The following BTN2A2 variants were observed in gnomAD, a reference collection of about 807,000 sequenced individuals.
The protein encoded by BTN2A2 is butyrophilin subfamily 2 member A2, also known as butyrophilin 2.
Under a neutral mutation model 34.7 loss-of-function variants are expected in BTN2A2, and 29 were observed. That is an observed-to-expected ratio of 0.84 (90% CI 0.62 to 1.14). The LOEUF is 1.14. Ranked by LOEUF, BTN2A2 falls within the 50% of genes most tolerant of loss-of-function variation. The pLI, the probability that BTN2A2 is intolerant of heterozygous loss-of-function variation, is 0.00. For missense variants in BTN2A2, 612 were observed against 651.5 expected (o/e 0.94, Z 0.66); for synonymous variants, 240 against 253.1 (o/e 0.95, Z 0.49).
rs1438875660 is a variant in BTN2A2, at chr6:26,393,208, G to C, written c.*241G>C. ...GATGGGATCCAGGCATAGGGAACTA[G>C]TTGTTTCATAGCTCCCAGTCAAAAA... On this transcript the variant is annotated 3_prime_UTR_variant, in exon 8 of 8. Transcript: ENST00000356709. The C allele has an allele frequency of 7.9e-6, 12 of 1,517,404 alleles. No individual in the cohort carries two copies. Among genetic ancestry groups the C allele is most frequent in the Non-Finnish European group, 1.1e-5 (12 of 1,136,364 alleles). 94.0% of individuals were successfully genotyped at this position (1,517,404 alleles called of 1,614,324 possible).
intron 4 of BTN2A2, among the ~76,000 whole-genome samples, 155 bp from the exon 5 acceptor site, chr6:26,389,850 C>G (rs1166461842): frequency 6.6e-6 from 1 of 152,184 alleles, no homozygotes; most frequent in Non-Finnish European, 1.5e-5. Flanking sequence ...AGGTGTCAGC[C>G]AGTGTTGAGC....
At position 26,394,413 on chromosome 6, in the gene BTN2A2, T is replaced by C. The variant is rs538660233; in HGVS notation, c.*1446T>C. 31 of 674,214 alleles carry C rather than the reference T, an allele frequency of 4.6e-5. No homozygotes were observed. In the African/African-American group the frequency reaches 5.0e-4, roughly 11 times the overall value. 41.8% of individuals were successfully genotyped at this position (674,214 alleles called of 1,614,324 possible). Reference sequence around the variant, plus strand: ...GCAAGTGAGTCAGTGGGAAATTCTCTCCTTCTGTTGGCTGGGTGCCCAATA... The same window carrying C: ...GCAAGTGAGTCAGTGGGAAATTCTCCCCTTCTGTTGGCTGGGTGCCCAATA... On this transcript the variant is annotated 3_prime_UTR_variant, in exon 8 of 8. Coordinates refer to ENST00000356709, the MANE Select transcript of BTN2A2 (RefSeq NM_006995.5).
At chr6:26,389,875 C>A in intron 4 of BTN2A2, 130 bp from the exon 5 acceptor site, 1 of 866,156 alleles carries the variant, frequency 1.2e-6, no homozygotes, top group South Asian at 1.7e-5. Flanking sequence ...ATCGCTTTCT[C>A]CATCTAAGGT....
At position 26,384,982 on chromosome 6, in the gene BTN2A2, G is replaced by C. The variant is rs73736235; in HGVS notation, c.95-33G>C. 2 of 1,588,682 alleles carry C rather than the reference G, an allele frequency of 1.3e-6. No individual in the cohort carries two copies. Among genetic ancestry groups the C allele is most frequent in the Non-Finnish European group, 1.7e-6 (2 of 1,160,978 alleles). On this transcript the variant is annotated intron_variant, in intron 2 of 7. Coordinates refer to ENST00000356709, the MANE Select transcript of BTN2A2 (RefSeq NM_006995.5). The surrounding 1 kb of genome is among the most constrained non-coding windows in gnomAD (Gnocchi z 4.0). ...TTTTGCCTTAGAGTTGTGATAACTG[G>C]CATCCTTGTCTGATTCTGCCCTTGT...
chr6:26,394,010 CAG>C lies in BTN2A2; in HGVS notation c.*1045_*1046del. ...AAGTGTGACACTGGTTAACTTTTTCCAGATCTCATGTCTGGCTTAATAAGAGA... is the reference window on the plus strand; with the variant it reads ...AAGTGTGACACTGGTTAACTTTTTCCATCTCATGTCTGGCTTAATAAGAGA... On this transcript the variant is annotated 3_prime_UTR_variant, in exon 8 of 8. Transcript: ENST00000356709. 1 of 330,802 alleles carries C rather than the reference CAG, an allele frequency of 3.0e-6. No individual in the cohort carries two copies. The highest frequency in any genetic ancestry group is 5.4e-6 in the Non-Finnish European group (1 of 184,608). 20.5% of individuals were successfully genotyped at this position (330,802 alleles called of 1,614,324 possible). A position where few individuals can be genotyped will look rare whatever the true frequency, so the allele number is the denominator to read the frequency against.
Position 26,384,409 on chromosome 6 carries a change from A to G in BTN2A2, c.94+494A>G, listed in dbSNP as rs1481168029. Among the ~76,000 whole-genome samples the G allele has an allele frequency of 6.6e-6, 1 of 152,194 alleles. No individual in the cohort carries two copies. Among genetic ancestry groups the G allele is most frequent in the Non-Finnish European group, 1.5e-5 (1 of 68,036 alleles). On this transcript the variant is annotated intron_variant, in intron 2 of 7. Transcript: ENST00000356709. This position sits in a 1 kb window ranked among gnomAD's most constrained non-coding sequence, Gnocchi z 4.0. ...AGGATCCTCCCACTTTGGCCTCCCAAATATCTGCAATTACAGGCGCAAGAC... is the reference window on the plus strand; with the variant it reads ...AGGATCCTCCCACTTTGGCCTCCCAGATATCTGCAATTACAGGCGCAAGAC...
At position 26,388,063 on chromosome 6, in the gene BTN2A2, A is replaced by G; in HGVS notation, c.493A>G (p.Ile165Val). ...IEIKAQEDGSIWLECISGGWY... is the reference protein window; with the variant it reads ...IEIKAQEDGSVWLECISGGWY... The stretch of plus-strand genomic sequence containing the variant: ...AATCAAGGCCCAAGAGGATGGGAGC[A>G]TCTGGCTGGAGTGCATATCTGGAGG... Residue 165 changes from isoleucine (I) to valine (V), a missense_variant, in exon 4 of 8, where the codon ATC becomes GTC. Ile to Val is a conservative substitution (Grantham distance 29). Transcript: ENST00000356709. 6.2e-7 allele frequency: 1 copy of G among 1,614,080 alleles called. No individual in the cohort carries two copies. The highest frequency in any genetic ancestry group is 8.5e-7 in the Non-Finnish European group (1 of 1,180,006).
Position 26,393,620 on chromosome 6 carries a change from G to T in BTN2A2, c.*653G>T. On this transcript the variant is annotated 3_prime_UTR_variant, in exon 8 of 8. Transcript: ENST00000356709. Reference sequence around the variant, plus strand: ...ACATGGACTCATGTGGATGTGGTTTGGCTCAGATGTCCCTGCAATAAACAA... The same window carrying T: ...ACATGGACTCATGTGGATGTGGTTTTGCTCAGATGTCCCTGCAATAAACAA... The T allele has an allele frequency of 1.0e-6, 1 of 999,986 alleles. No individual in the cohort carries two copies. The highest frequency in any genetic ancestry group is 1.2e-6 in the Non-Finnish European group (1 of 838,900). 61.9% of individuals were successfully genotyped at this position (999,986 alleles called of 1,614,324 possible).
chr6:26,384,925 T>G lies in BTN2A2; in HGVS notation c.95-90T>G. On this transcript the variant is annotated intron_variant, in intron 2 of 7. Transcript: ENST00000356709. The surrounding 1 kb of genome is among the most constrained non-coding windows in gnomAD (Gnocchi z 4.0). ...GCTTCCTTTCATCCCTGGAGTTTTT[T>G]TTGTTTGTTTGTTTTTGTTTTTTGT... 7.6e-7 allele frequency: 1 copy of G among 1,324,388 alleles called. No individual in the cohort carries two copies. The highest frequency in any genetic ancestry group is 1.0e-6 in the Non-Finnish European group (1 of 986,208). 82.0% of individuals were successfully genotyped at this position (1,324,388 alleles called of 1,614,324 possible).
At position 26,393,396 on chromosome 6, in the gene BTN2A2, G is replaced by A. The variant is rs986398681; in HGVS notation, c.*429G>A. The A allele has an allele frequency of 4.4e-5, 50 of 1,129,570 alleles. No homozygotes were observed. The African/African-American group carries it at 5.7e-4, about 13-fold the overall frequency. 70.0% of individuals were successfully genotyped at this position (1,129,570 alleles called of 1,614,324 possible). Reference sequence around the variant, plus strand: ...AGAGGAATCCACAGGACCACCAGAAGGGAGAGGGAACCAGATATGCAGATC... The same window carrying A: ...AGAGGAATCCACAGGACCACCAGAAAGGAGAGGGAACCAGATATGCAGATC... On this transcript the variant is annotated 3_prime_UTR_variant, in exon 8 of 8. Coordinates refer to ENST00000356709, the MANE Select transcript of BTN2A2 (RefSeq NM_006995.5).
Position 26,394,336 on chromosome 6 carries a change from G to A in BTN2A2, c.*1369G>A. ...TGGATTAAGGAATACCTAGACAGCT[G>A]GTACAACATTATTTCTGGGTGTGTC... On this transcript the variant is annotated 3_prime_UTR_variant, in exon 8 of 8. Coordinates refer to ENST00000356709, the MANE Select transcript of BTN2A2 (RefSeq NM_006995.5). 1 of 700,438 alleles carries A rather than the reference G, an allele frequency of 1.4e-6. No individual in the cohort carries two copies. The highest frequency in any genetic ancestry group is 2.6e-6 in the Non-Finnish European group (1 of 384,618). The allele number at this position is 700,438 out of a possible 1,614,324, so 43.4% of individuals were successfully genotyped here.
In BTN2A2 at chr6:26,383,771, TCTC is replaced by T. The variant is rs1581586004; in HGVS notation, c.-30-14_-30-12del. 1.3e-6 allele frequency: 2 copies of T among 1,575,656 alleles called. No homozygotes were observed. Among genetic ancestry groups the T allele is most frequent in the South Asian group, 2.2e-5 (2 of 90,238 alleles). On this transcript the variant is annotated intron_variant, in intron 1 of 7. Coordinates refer to ENST00000356709, the MANE Select transcript of BTN2A2 (RefSeq NM_006995.5). The surrounding 1 kb of genome is among the most constrained non-coding windows in gnomAD (Gnocchi z 4.4). ...GAGGTGCCAAGACTCCTAGGCTGAT[TCTC>T]CTCCTCTGTAACCCTAGGCCTCTGG... is the stretch of plus-strand genomic sequence containing the variant.
chr6:26,390,880 G>A (rs753502566), intron 7 of BTN2A2, 51 bp downstream of exon 7: 1 of 1,612,914 alleles, frequency 6.2e-7, no homozygotes, highest in Non-Finnish European at 8.5e-7. Context: ...CCACTAGCCA[G>A]CTAACAGGAC....
At chr6:26,392,105 A>G (rs555690917) in intron 7 of BTN2A2, 10 of 944,988 alleles carry the variant, frequency 1.1e-5, no homozygotes, top group East Asian at 7.9e-5. Context: ...ACTGGGAACC[A>G]TTAATTTTGG....
In BTN2A2 at chr6:26,384,047, T is replaced by C; in HGVS notation, c.94+132T>C. On this transcript the variant is annotated intron_variant, in intron 2 of 7. Coordinates refer to ENST00000356709, the MANE Select transcript of BTN2A2 (RefSeq NM_006995.5). The surrounding 1 kb of genome is among the most constrained non-coding windows in gnomAD (Gnocchi z 4.0). ...TCATTCTGAACATGTTCACTGAATTTATACCAGCACTGTCCAAAAGAAACA... is the reference window on the plus strand; with the variant it reads ...TCATTCTGAACATGTTCACTGAATTCATACCAGCACTGTCCAAAAGAAACA... 1 of 1,076,182 alleles carries C rather than the reference T, an allele frequency of 9.3e-7. No individual in the cohort carries two copies. The highest frequency in any genetic ancestry group is 1.4e-6 in the Non-Finnish European group (1 of 717,032). 66.7% of individuals were successfully genotyped at this position (1,076,182 alleles called of 1,614,324 possible).
Position 26,390,082 on chromosome 6 carries a change from A to C in BTN2A2, c.802A>C (p.Met268Leu). Residue 268 changes from methionine to leucine, a missense_variant, in exon 5 of 8, where the codon ATG (methionine) becomes CTG (leucine). Physicochemically the swap from Met to Leu is conservative, Grantham distance 15 (BLOSUM62 2). Transcript: ENST00000356709. ...ILTASPWMVSMTVILAVFIIF... is the reference protein window; with the variant it reads ...ILTASPWMVSLTVILAVFIIF... Reference sequence around the variant, plus strand: ...GACCGCATCTCCCTGGATGGTGTCCATGACTGTCATCCTGGCTGTTTTCAT... The same window carrying C: ...GACCGCATCTCCCTGGATGGTGTCCCTGACTGTCATCCTGGCTGTTTTCAT... 2 of 1,614,190 alleles carry C rather than the reference A, an allele frequency of 1.2e-6. No individual in the cohort carries two copies. Among genetic ancestry groups the C allele is most frequent in the East Asian group, 2.2e-5 (1 of 44,886 alleles).
rs1041301026 is a variant in BTN2A2, at chr6:26,384,712, T to C, written c.95-303T>C. Among the ~76,000 whole-genome samples, 3 of 152,200 alleles carry C rather than the reference T, an allele frequency of 2.0e-5. No individual in the cohort carries two copies. Reference sequence around the variant, plus strand: ...TTTACACTACACTCAGGCACAGTGCTAGATTGCAAAATGGAGGAAAATCTC... The same window carrying C: ...TTTACACTACACTCAGGCACAGTGCCAGATTGCAAAATGGAGGAAAATCTC... On this transcript the variant is annotated intron_variant, in intron 2 of 7. Coordinates refer to ENST00000356709, the MANE Select transcript of BTN2A2 (RefSeq NM_006995.5). This position sits in a 1 kb window ranked among gnomAD's most constrained non-coding sequence, Gnocchi z 4.0.
rs773048643 is a variant in BTN2A2, at chr6:26,385,143, T to C, written c.223T>C (p.Phe75Leu). The C allele has an allele frequency of 6.2e-7, 1 of 1,614,032 alleles. No homozygotes were observed. The highest frequency in any genetic ancestry group is 8.5e-7 in the Non-Finnish European group (1 of 1,180,012). Reference protein sequence around the residue: ...DMEVRWFRSQFSPAVFVYKGG... With the variant: ...DMEVRWFRSQLSPAVFVYKGG... ...GGAGGTGCGGTGGTTCCGGTCTCAG[T>C]TCTCCCCCGCAGTGTTTGTGTATAA... is the stretch of plus-strand genomic sequence containing the variant. The change falls in exon 3 of 8, where the codon TTC becomes CTC. Residue 75 changes from phenylalanine (F) to leucine (L), a missense_variant. Phe to Leu is a conservative substitution (Grantham distance 22). Coordinates refer to ENST00000356709, the MANE Select transcript of BTN2A2 (RefSeq NM_006995.5).
rs1055937280 is a variant in BTN2A2, at chr6:26,384,315, A to G, written c.94+400A>G. ...CAAGCAAGGGCCACCACACTCGACT[A>G]AGTTTTATTTTTTGTAGAGACAGGG... On this transcript the variant is annotated intron_variant, in intron 2 of 7. Coordinates refer to ENST00000356709, the MANE Select transcript of BTN2A2 (RefSeq NM_006995.5). This position sits in a 1 kb window ranked among gnomAD's most constrained non-coding sequence, Gnocchi z 4.0. 1.3e-4 allele frequency among the ~76,000 whole-genome samples: 19 copies of G among 151,982 alleles called. No homozygotes were observed. The highest frequency in any genetic ancestry group is 1.6e-4 in the Non-Finnish European group (11 of 67,982).
Sources: gnomAD v4.1 joint callset for allele counts (sites outside exome capture counted in the v4.1 genomes callset) on GRCh38, gnomAD v4.1.1 for gene constraint, Gnocchi (gnomAD v3.1) non-coding constraint, MANE v1.5 for transcripts, NCBI Gene and HGNC (gene_info 2026-07-23, HGNC 2026-07-21) for gene names.